Variants in ITPR1 observed in about 807,000 individuals in gnomAD.
ITPR1 encodes inositol 1,4,5-trisphosphate receptor type 1, also known as inositol 1,4,5-trisphosphate-gated calcium channel ITPR1.
In ITPR1, 96 loss-of-function variants were observed where a neutral mutation model predicts 318.4. The observed-to-expected ratio is 0.30, with a 90% CI of 0.26 to 0.36. The LOEUF (loss-of-function observed/expected upper bound fraction) is 0.36. Among genes scored for constraint, ITPR1 ranks in the 10% least tolerant of loss-of-function variants. ITPR1 has a pLI of 1.00. For missense variants in ITPR1, 2,440 were observed against 3,460.2 expected, an observed-to-expected ratio of 0.71 and a Z score of 7.40; for synonymous variants, 1,312 against 1,289.9, an observed-to-expected ratio of 1.02 and a Z score of -0.37.
chr3:4,728,921 C>T (rs1395243689), intron 42 of ITPR1, among the ~76,000 whole-genome samples: 1 of 152,228 alleles, frequency 6.6e-6, no homozygotes, highest in Non-Finnish European at 1.5e-5. Flanking sequence ...AGGAAGTTGG[C>T]ATTTCATCCG....
chr3:4,710,482 C>CCT lies in ITPR1; in HGVS notation c.4991+18_4991+19dup. 9.0e-6 allele frequency: 14 copies of CCT among 1,552,082 alleles called. No individual in the cohort carries two copies. The highest frequency in any genetic ancestry group is 1.2e-5 in the Non-Finnish European group (14 of 1,147,134). ...GGCGGTTTCATTTGCAAGTAAGCGGCCTCTCTCTCTGGGGTGTTCATTTGC... is the reference window on the plus strand; with the variant it reads ...GGCGGTTTCATTTGCAAGTAAGCGGCCTCTCTCTCTCTGGGGTGTTCATTTGC... On this transcript the variant is annotated intron_variant, in intron 38 of 61. Transcript: ENST00000649015. This position sits in a 1 kb window ranked among gnomAD's most constrained non-coding sequence, Gnocchi z 4.2.
chr3:4,693,705 C>G lies in ITPR1; in HGVS notation c.4245C>G (p.Ile1415Met). ...KCNSLLPLDDIVRVVTHEDCI... is the reference protein window; with the variant it reads ...KCNSLLPLDDMVRVVTHEDCI... ...ACTCCCTGCTCCCGCTGGATGACAT[C>G]GTTCGCGTGGTGACCCACGAGGACT... Residue 1415 changes from isoleucine to methionine, a missense_variant, in exon 33 of 62, where the codon ATC (isoleucine) becomes ATG (methionine). Physicochemically the swap from Ile to Met is conservative, Grantham distance 10. Coordinates refer to ENST00000649015, the MANE Select transcript of ITPR1 (RefSeq NM_001378452.1). 4 of 1,613,760 alleles carry G rather than the reference C, an allele frequency of 2.5e-6. No homozygotes were observed. The highest frequency in any genetic ancestry group is 3.4e-6 in the Non-Finnish European group (4 of 1,179,772).
intron 51 of ITPR1, among the ~76,000 whole-genome samples, chr3:4,787,497 C>T (rs1295256642): frequency 6.7e-6 from 1 of 149,718 alleles, no homozygotes; most frequent in Non-Finnish European, 1.5e-5. Context: ...GAGTTTGAGA[C>T]CAGCCTGGCC....
At chr3:4,510,538 G>C (rs546378751) in intron 2 of ITPR1, among the ~76,000 whole-genome samples, 1 of 152,284 alleles carries the variant, frequency 6.6e-6, no homozygotes, top group East Asian at 1.9e-4. Context: ...AGCAAAAATT[G>C]ATGCTGGATT....
intron 60 of ITPR1, among the ~76,000 whole-genome samples, chr3:4,835,626 A>G (rs181679816): frequency 6.6e-6 from 1 of 152,312 alleles, no homozygotes; most frequent in Admixed American, 6.5e-5. Context: ...ATGTATCCTT[A>G]CAAGATAAAA....
chr3:4,673,229 C>T lies in ITPR1; in HGVS notation c.2298C>T (p.Leu766=). 6.2e-7 allele frequency: 1 copy of T among 1,614,010 alleles called. No individual in the cohort carries two copies. The highest frequency in any genetic ancestry group is 1.6e-4 in the Middle Eastern group (1 of 6,062). Residue 766 remains leucine, a synonymous_variant, in exon 21 of 62, where the codon CTC becomes CTT. Transcript: ENST00000649015. ...GCCAGCTGGATGTCGATCTCATTCTCCGCTGCATGTCTGACGAGAACCTGC... is the reference window on the plus strand; with the variant it reads ...GCCAGCTGGATGTCGATCTCATTCTTCGCTGCATGTCTGACGAGAACCTGC... ...ISGQLDVDLI[L]RCMSDENLPY...
chr3:4,839,876 G>C (rs992052512), intron 61 of ITPR1, among the ~76,000 whole-genome samples: 1 of 152,054 alleles, frequency 6.6e-6, no homozygotes, highest in African/African-American at 2.4e-5. Flanking sequence ...CCCTTCCCCT[G>C]TGAATGAATT....
At position 4,688,519 on chromosome 3, in the gene ITPR1, A is replaced by T; in HGVS notation, c.3727A>T (p.Ile1243Leu). Residue 1243 changes from isoleucine (I) to leucine (L), a missense_variant, in exon 31 of 62, where the codon ATA becomes TTA. Physicochemically the swap from Ile to Leu is conservative, Grantham distance 5. Coordinates refer to ENST00000649015, the MANE Select transcript of ITPR1 (RefSeq NM_001378452.1). ...EKAEDTKMQE[I>L]MRLAHEFLQN... ...GGCCGAAGATACCAAGATGCAAGAG[A>T]TAATGAGGTTGGCTCATGAATTTTT... 6.2e-7 allele frequency: 1 copy of T among 1,614,010 alleles called. No individual in the cohort carries two copies. Among genetic ancestry groups the T allele is most frequent in the Admixed American group, 1.7e-5 (1 of 60,026 alleles).
In ITPR1 at chr3:4,787,933, C is replaced by T. The variant is rs901100663; in HGVS notation, c.6616-14C>T. 6.3e-7 allele frequency: 1 copy of T among 1,589,982 alleles called. No homozygotes were observed. Among genetic ancestry groups the T allele is most frequent in the Non-Finnish European group, 8.6e-7 (1 of 1,164,736 alleles). ...AAAGATGAATATTTAATCTCATCCA[C>T]TTTTTCATCCTAGATTGTCAGATTA... is the stretch of plus-strand genomic sequence containing the variant. On this transcript the variant is annotated splice_polypyrimidine_tract_variant and intron_variant, in intron 51 of 61. Transcript: ENST00000649015.
At chr3:4,716,722 C>T (rs1353222975) in intron 39 of ITPR1, among the ~76,000 whole-genome samples, 1 of 152,202 alleles carries the variant, frequency 6.6e-6, no homozygotes, top group East Asian at 1.9e-4. Flanking sequence ...TATCCTTAAA[C>T]AAGCGTAATT....
chr3:4,555,018 G>A (rs1437022752), intron 4 of ITPR1, among the ~76,000 whole-genome samples: 1 of 152,142 alleles, frequency 6.6e-6, no homozygotes, highest in Admixed American at 6.5e-5. Context: ...GGATGGAACT[G>A]TACCCGCGGA....
At chr3:4,670,956 G>T in intron 20 of ITPR1, 30 bp downstream of exon 20, 1 of 1,467,146 alleles carries the variant, frequency 6.8e-7, no homozygotes, top group East Asian at 2.4e-5. Context: ...GGCTCAGATT[G>T]GGGTGCCCCA....
At chr3:4,556,185 C>T (rs534718256) in intron 4 of ITPR1, among the ~76,000 whole-genome samples, 1 of 152,250 alleles carries the variant, frequency 6.6e-6, no homozygotes, top group South Asian at 2.1e-4. Context: ...TATGTCCCTT[C>T]CCCTACTCCA....
At chr3:4,828,391 G>T (rs2050218849) in intron 60 of ITPR1, among the ~76,000 whole-genome samples, 2 of 152,222 alleles carry the variant, frequency 1.3e-5, no homozygotes, top group Admixed American at 1.3e-4. Context: ...TCATAAGCCA[G>T]CTTGGATGCT....
intron 32 of ITPR1, among the ~76,000 whole-genome samples, chr3:4,692,486 G>C (rs1325950341): frequency 6.6e-6 from 1 of 152,202 alleles, no homozygotes; most frequent in Non-Finnish European, 1.5e-5. Flanking sequence ...ATACAATGAG[G>C]TTAGGAAGTT....
Position 4,645,653 on chromosome 3 carries a change from G to T in ITPR1, c.780G>T (p.Gln260His), listed in dbSNP as rs549363319. The T allele has an allele frequency of 6.2e-7, 1 of 1,613,380 alleles. No individual in the cohort carries two copies. Among genetic ancestry groups the T allele is most frequent in the South Asian group, 1.1e-5 (1 of 90,922 alleles). ...CCTGTGACGAACACAGGAAGAAGCAGCACGTCTTCCTGAGAACCACGGGCC... is the reference window on the plus strand; with the variant it reads ...CCTGTGACGAACACAGGAAGAAGCATCACGTCTTCCTGAGAACCACGGGCC... The part of the protein sequence containing the change: ...FLTCDEHRKK[Q>H]HVFLRTTGRQ... The change falls in exon 10 of 62, where the codon CAG becomes CAT. Residue 260 changes from glutamine (Q) to histidine (H), a missense_variant. By Grantham distance (24) the Gln-to-His change is conservative (BLOSUM62 0). This residue lies in a region of ITPR1 where 186 missense variants were observed against 323.9 expected (regional missense o/e 0.57). Coordinates refer to ENST00000649015, the MANE Select transcript of ITPR1 (RefSeq NM_001378452.1).
Position 4,726,717 on chromosome 3 carries a change from G to A in ITPR1, c.5173-409G>A, listed in dbSNP as rs148050637. Among the ~76,000 whole-genome samples, 1,175 of 152,302 alleles carry A rather than the reference G, an allele frequency of 7.7e-3. 12 individuals are homozygous for A. Among genetic ancestry groups the A allele is most frequent in the African/African-American group, 0.026 (1,091 of 41,560 alleles). On this transcript the variant is annotated intron_variant, in intron 41 of 61. Coordinates refer to ENST00000649015, the MANE Select transcript of ITPR1 (RefSeq NM_001378452.1). ...GTCCCATATCTGTGTCTGCTCAGAG[G>A]CGTGTGTCTTGATGTCCTTATGCAT...
intron 32 of ITPR1, among the ~76,000 whole-genome samples, chr3:4,693,009 A>G (rs6802455): frequency 0.05 from 7,636 of 152,226 alleles, 664 homozygotes; most frequent in African/African-American, 0.17. Flanking sequence ...AATCCCAGCT[A>G]CTCAGGAGGC....
chr3:4,750,701 C>G (rs1458989834), intron 44 of ITPR1: 2 of 152,044 alleles, frequency 1.3e-5, no homozygotes, highest in Non-Finnish European at 2.9e-5. Context: ...TCACTCCCCC[C>G]TTCCCTGACT....
Sources: gnomAD v4.1 joint callset for allele counts (sites outside exome capture counted in the v4.1 genomes callset) on GRCh38, gnomAD v4.1.1 for gene constraint, gnomAD v4.1.1 regional missense constraint, Gnocchi (gnomAD v3.1) non-coding constraint, MANE v1.5 for transcripts, NCBI Gene and HGNC (gene_info 2026-07-23, HGNC 2026-07-21) for gene names.